The following RIMS1 variants were observed in gnomAD, a reference collection of about 807,000 sequenced individuals.
RIMS1 encodes the protein regulating synaptic membrane exocytosis protein 1.
A neutral mutation model predicts 214.1 loss-of-function variants in RIMS1; 83 were observed. The observed-to-expected ratio is 0.39, with a 90% confidence interval of 0.32 to 0.47. The LOEUF is 0.47. Ranked by LOEUF, RIMS1 falls within the 20% of genes least tolerant of loss-of-function variation. RIMS1 has a pLI of 0.99. For synonymous variants in RIMS1, 793 were observed against 786.8 expected (o/e 1.01, Z -0.13); for missense variants, 2,050 against 2,161.8 (o/e 0.95, Z 1.03).
At chr6:71,974,295 T>C (rs1796617722) in intron 2 of RIMS1, among the ~76,000 whole-genome samples, 1 of 151,706 alleles carries the variant, frequency 6.6e-6, no homozygotes, top group Admixed American at 6.6e-5. Context: ...GGGTGGGAAT[T>C]TGTGTGTGGG....
intron 28 of RIMS1, among the ~76,000 whole-genome samples, chr6:72,315,022 C>G (rs2095694592): frequency 1.3e-5 from 2 of 152,022 alleles, no homozygotes; most frequent in Non-Finnish European, 2.9e-5. Context: ...TAGGATTCTT[C>G]AAAAATTTAT....
chr6:71,917,363 A>G (rs1778724031), intron 1 of RIMS1, among the ~76,000 whole-genome samples: 1 of 152,158 alleles, frequency 6.6e-6, no homozygotes. Flanking sequence ...AATTTGAGCC[A>G]AAACCTGAAT....
intron 2 of RIMS1, among the ~76,000 whole-genome samples, chr6:72,008,595 C>A (rs1199750164): frequency 6.6e-6 from 1 of 152,092 alleles, no homozygotes; most frequent in Non-Finnish European, 1.5e-5. Flanking sequence ...CATACAGAGA[C>A]ACATATAGGC....
chr6:72,225,366 T>C (rs1028193674), intron 6 of RIMS1, among the ~76,000 whole-genome samples: 2 of 152,220 alleles, frequency 1.3e-5, no homozygotes, highest in Admixed American at 1.3e-4. Flanking sequence ...ACTAAAAGCA[T>C]GTATCCATCT....
At chr6:71,952,494 G>A (rs1253689160) in intron 1 of RIMS1, among the ~76,000 whole-genome samples, 1 of 152,108 alleles carries the variant, frequency 6.6e-6, no homozygotes, top group Non-Finnish European at 1.5e-5. Context: ...CGGGAAATTC[G>A]TGAGGCCCTT....
chr6:72,341,375 T>C (rs1333372317), intron 29 of RIMS1, among the ~76,000 whole-genome samples: 3 of 151,878 alleles, frequency 2.0e-5, no homozygotes, highest in South Asian at 2.1e-4. Context: ...TCTAAAACTA[T>C]ATGAAATACT....
At chr6:72,008,134 A>G (rs1266413771) in intron 2 of RIMS1, among the ~76,000 whole-genome samples, 1 of 152,184 alleles carries the variant, frequency 6.6e-6, no homozygotes, top group Non-Finnish European at 1.5e-5. Context: ...CTCGGCAGAA[A>G]CTCTACAAGC....
intron 2 of RIMS1, among the ~76,000 whole-genome samples, chr6:72,073,374 G>T (rs188807444): frequency 1.3e-5 from 2 of 152,092 alleles, no homozygotes; most frequent in East Asian, 3.9e-4. Context: ...AATACTTGAA[G>T]GTTAAAACTG....
rs1386948362 is a variant in RIMS1, at chr6:72,096,977, A to G, written c.274A>G (p.Lys92Glu). Residue 92 changes from lysine to glutamate, a missense_variant, in exon 3 of 34, where the codon AAG becomes GAG. Coordinates refer to ENST00000521978, the MANE Select transcript of RIMS1 (RefSeq NM_014989.7). The part of the protein sequence containing the change: ...PRLHQQFESY[K>E]EQVRKIGEEA... Reference sequence around the variant, plus strand: ...ATTGCATCAACAGTTTGAAAGCTATAAGGAACAAGTGAGAAAAATAGGGGA... The same window carrying G: ...ATTGCATCAACAGTTTGAAAGCTATGAGGAACAAGTGAGAAAAATAGGGGA... The G allele has an allele frequency of 1.2e-6, 2 of 1,613,798 alleles. No individual in the cohort carries two copies. The highest frequency in any genetic ancestry group is 1.1e-5 in the South Asian group (1 of 91,040).
chr6:72,068,454 G>A (rs1446032107), intron 2 of RIMS1, among the ~76,000 whole-genome samples: 1 of 152,156 alleles, frequency 6.6e-6, no homozygotes, highest in East Asian at 1.9e-4. Flanking sequence ...GTCCTCAAAG[G>A]CAGAAAAGAG....
At chr6:72,265,184 AAAT>A (rs1038960417) in intron 20 of RIMS1, 132 bp downstream of exon 20, 3 of 641,572 alleles carry the variant, frequency 4.7e-6, no homozygotes, top group Non-Finnish European at 7.8e-6. Context: ...TATTCTTTTG[AAAT>A]AATTATACAG....
chr6:72,220,258 T>A (rs552157404), intron 6 of RIMS1, among the ~76,000 whole-genome samples: 1 of 152,148 alleles, frequency 6.6e-6, no homozygotes, highest in African/African-American at 2.4e-5. Flanking sequence ...CTCATTCCTT[T>A]AGTCCCTTTA....
rs1302379162 is a variant in RIMS1, at chr6:71,917,214, C to T, written c.164+30027C>T. Reference sequence around the variant, plus strand: ...GCCTGTCACATAAGGGCTATGTAAACACTGGCTATTACCATTAATTAGTTA... The same window carrying T: ...GCCTGTCACATAAGGGCTATGTAAATACTGGCTATTACCATTAATTAGTTA... On this transcript the variant is annotated intron_variant, in intron 1 of 33. Transcript: ENST00000521978. Among the ~76,000 whole-genome samples, 3 of 152,104 alleles carry T rather than the reference C, an allele frequency of 2.0e-5. No homozygotes were observed. The East Asian group carries it at 5.8e-4, about 29-fold the overall frequency.
At chr6:72,162,214 G>A (rs1241586289) in intron 4 of RIMS1, among the ~76,000 whole-genome samples, 2 of 140,376 alleles carry the variant, frequency 1.4e-5, no homozygotes, top group Non-Finnish European at 3.2e-5. Flanking sequence ...TGCAACCCCT[G>A]CCTTTTTTTG....
chr6:71,992,593 C>T (rs956538706), intron 2 of RIMS1, among the ~76,000 whole-genome samples: 3 of 133,208 alleles, frequency 2.3e-5, no homozygotes, highest in African/African-American at 8.7e-5. Flanking sequence ...TCTCCTTCTC[C>T]TCCTCCTTCT....
chr6:72,217,218 A>T, intron 6 of RIMS1: 1 of 1,536,692 alleles, frequency 6.5e-7, no homozygotes, highest in South Asian at 1.2e-5. Flanking sequence ...AGTTTCTACT[A>T]CTTCATACAT....
chr6:72,125,558 C>G (rs1431555612), intron 4 of RIMS1, among the ~76,000 whole-genome samples: 6 of 152,244 alleles, frequency 3.9e-5, no homozygotes, highest in Admixed American at 3.3e-4. Flanking sequence ...GAAGTTTCTA[C>G]TACCTTTTGT....
intron 2 of RIMS1, among the ~76,000 whole-genome samples, chr6:72,014,664 C>T (rs1812102172): frequency 6.6e-6 from 1 of 152,096 alleles, no homozygotes; most frequent in Non-Finnish European, 1.5e-5. Flanking sequence ...TTTTGTGGAA[C>T]TGAAAAGCCG....
At chr6:72,256,098 G>A (rs1262043201) in intron 16 of RIMS1, among the ~76,000 whole-genome samples, 1 of 150,532 alleles carries the variant, frequency 6.6e-6, no homozygotes, top group African/African-American at 2.4e-5. Context: ...CAACAATAAC[G>A]TAAACATAAT....
Sources: allele counts gnomAD v4.1 joint callset (sites outside exome capture counted in the v4.1 genomes callset), GRCh38; gene constraint gnomAD v4.1.1; transcripts MANE v1.5; gene names NCBI Gene and HGNC (gene_info 2026-07-23, HGNC 2026-07-21).